Variants in SIM2 observed in about 807,000 individuals in gnomAD.
The protein encoded by SIM2 is single-minded homolog 2.
A neutral mutation model predicts 64.8 loss-of-function variants in SIM2; 28 were observed. The ratio of observed to expected loss-of-function variants is 0.43; its 90% CI spans 0.32 to 0.59. The LOEUF is 0.59. Ranked by LOEUF, SIM2 falls within the 20% of genes least tolerant of loss-of-function variation. The probability of loss-of-function intolerance (pLI) is 0.07; values close to 1 mark genes in which losing one functional copy is unlikely to be tolerated. For missense variants in SIM2, 847 were observed against 871.4 expected (o/e 0.97, Z 0.35); for synonymous variants, 408 against 391.1 (o/e 1.04, Z -0.51).
intron 4 of SIM2, among the ~76,000 whole-genome samples, chr21:36,722,559 G>A (rs1370501608): frequency 1.3e-5 from 2 of 152,196 alleles, no homozygotes; most frequent in African/African-American, 2.4e-5. Context: ...AGAGATTTGC[G>A]TGGGAGGCCT....
chr21:36,738,667 C>T (rs1054306534), intron 7 of SIM2, among the ~76,000 whole-genome samples: 1 of 152,216 alleles, frequency 6.6e-6, no homozygotes, highest in African/African-American at 2.4e-5. Flanking sequence ...CCCCGGTTTC[C>T]TGGTGCTGCC....
intron 4 of SIM2, 79 bp downstream of exon 4, chr21:36,720,008 C>T (rs901811520): frequency 2.0e-6 from 2 of 1,007,376 alleles, no homozygotes; most frequent in East Asian, 2.4e-5. Context: ...GCTTTGCTTC[C>T]CACATCTGCC....
intron 1 of SIM2, among the ~76,000 whole-genome samples, chr21:36,707,630 G>A (rs2088604022): frequency 6.6e-6 from 1 of 151,940 alleles, no homozygotes; most frequent in Non-Finnish European, 1.5e-5. Flanking sequence ...TTGCCGAATA[G>A]GGAAGGGTTT....
intron 1 of SIM2, among the ~76,000 whole-genome samples, chr21:36,701,730 A>G (rs1213809969): frequency 6.6e-6 from 1 of 152,230 alleles, no homozygotes; most frequent in Non-Finnish European, 1.5e-5. Flanking sequence ...TTGGCAGAGA[A>G]CTAGGGATGA....
Position 36,745,438 on chromosome 21 carries a change from G to A in SIM2, c.1576+302G>A, listed in dbSNP as rs1023486131. The A allele has an allele frequency of 4.7e-6, 6 of 1,265,784 alleles. No homozygotes were observed. The African/African-American group carries it at 7.6e-5, about 16-fold the overall frequency. The allele number at this position is 1,265,784 out of a possible 1,614,324, so 78.4% of individuals were successfully genotyped here. ...CATTCACCAACCAAAGGGGGACAGTGATTTTCAAAACCAGCTCCCATGTGC... is the reference window on the plus strand; with the variant it reads ...CATTCACCAACCAAAGGGGGACAGTAATTTTCAAAACCAGCTCCCATGTGC... On this transcript the variant is annotated intron_variant, in intron 10 of 10. Transcript: ENST00000290399. The surrounding 1 kb of genome is among the most constrained non-coding windows in gnomAD (Gnocchi z 4.8).
Position 36,729,367 on chromosome 21 carries a change from G to T in SIM2, c.744-1678G>T, listed in dbSNP as rs116370860. ...CCCGAATGGCTCTGGGCTCTACAAG[G>T]CCCCCTCCCCGCATCCCTCTCCCCC... On this transcript the variant is annotated intron_variant, in intron 6 of 10. Transcript: ENST00000290399. Among the ~76,000 whole-genome samples the T allele has an allele frequency of 5.3e-3, 805 of 151,998 alleles. 7 individuals carry two copies. Among genetic ancestry groups the T allele is most frequent in the African/African-American group, 0.019 (769 of 41,438 alleles).
At position 36,732,120 on chromosome 21, in the gene SIM2, T is replaced by C. The variant is rs142535463; in HGVS notation, c.850+969T>C. On this transcript the variant is annotated intron_variant, in intron 7 of 10. Transcript: ENST00000290399. ...CTGATCTCGAACTCCTGACCTCAGG[T>C]GATCCATTTGTCTCCGCCTCCCAAA... 3.8e-3 allele frequency among the ~76,000 whole-genome samples: 573 copies of C among 152,272 alleles called. 1 individual carries two copies. The highest frequency in any genetic ancestry group is 0.013 in the African/African-American group (542 of 41,564).
At position 36,739,973 on chromosome 21, in the gene SIM2, A is replaced by AG. The variant is rs1401610427; in HGVS notation, c.851-1744_851-1743insG. Among the ~76,000 whole-genome samples the AG allele has an allele frequency of 2.0e-5, 3 of 150,870 alleles. No homozygotes were observed. In the East Asian group the frequency reaches 5.8e-4, roughly 29 times the overall value. On this transcript the variant is annotated intron_variant, in intron 7 of 10. Coordinates refer to ENST00000290399, the MANE Select transcript of SIM2 (RefSeq NM_005069.6). Reference sequence around the variant, plus strand: ...ACACAGAGAGACTCTGTCTCAAAAAAAAAAAAAGAGAAAGAAGAGAAGAAA... The same window carrying AG: ...ACACAGAGAGACTCTGTCTCAAAAAAGAAAAAAAGAGAAAGAAGAGAAGAAA...
chr21:36,706,924 A>G (rs1038032661), intron 1 of SIM2, among the ~76,000 whole-genome samples: 3 of 152,244 alleles, frequency 2.0e-5, no homozygotes, highest in Non-Finnish European at 4.4e-5. Flanking sequence ...ATCATACAGA[A>G]AATTGTCCTG....
Position 36,699,595 on chromosome 21 carries a change from A to C in SIM2, c.-152A>C. On this transcript the variant is annotated 5_prime_UTR_variant, in exon 1 of 11. Transcript: ENST00000290399. This position sits in a 1 kb window ranked among gnomAD's most constrained non-coding sequence, Gnocchi z 5.6. ...GGCGGCTGCGGGGAGGCGTCTCGGA[A>C]CCCCGGGAGGCCCCCCGCACCTGCC... 1.4e-6 allele frequency: 1 copy of C among 722,254 alleles called. No homozygotes were observed. 44.7% of individuals were successfully genotyped at this position (722,254 alleles called of 1,614,324 possible).
At chr21:36,705,047 C>G (rs1457507097) in intron 1 of SIM2, among the ~76,000 whole-genome samples, 2 of 152,156 alleles carry the variant, frequency 1.3e-5, no homozygotes, top group Non-Finnish European at 2.9e-5. Context: ...AGCAACTAGG[C>G]GAGAACCTGG....
At chr21:36,700,189 C>A (rs1909106578) in intron 1 of SIM2, among the ~76,000 whole-genome samples, 1 of 152,246 alleles carries the variant, frequency 6.6e-6, no homozygotes, top group African/African-American at 2.4e-5. Flanking sequence ...GGCAGTCCCC[C>A]AGCCCGCACG....
At chr21:36,701,456 C>G (rs937005231) in intron 1 of SIM2, 2 of 152,318 alleles carry the variant, frequency 1.3e-5, no homozygotes, top group Non-Finnish European at 2.9e-5. Flanking sequence ...CCCCGCGGCT[C>G]CCCGGCCCAG....
chr21:36,709,105 C>A (rs1314687361), intron 1 of SIM2, 63 bp from the exon 2 acceptor site: 1 of 1,454,894 alleles, frequency 6.9e-7, no homozygotes, highest in Non-Finnish European at 9.4e-7. Context: ...GCGTGACCTG[C>A]CCGGCTCCCA....
chr21:36,738,085 C>T (rs1267107525), intron 7 of SIM2, among the ~76,000 whole-genome samples: 4 of 151,852 alleles, frequency 2.6e-5, no homozygotes, highest in Non-Finnish European at 5.9e-5. Flanking sequence ...TCTTGAAATC[C>T]GTGGATGGAT....
chr21:36,720,322 G>T, intron 4 of SIM2: 1 of 175,692 alleles, frequency 5.7e-6, no homozygotes, highest in Admixed American at 5.8e-5. Flanking sequence ...ACATTTCATG[G>T]GGAAAATTAC....
chr21:36,729,793 A>C (rs989519387), intron 6 of SIM2, among the ~76,000 whole-genome samples: 8 of 152,170 alleles, frequency 5.3e-5, no homozygotes, highest in African/African-American at 1.7e-4. Flanking sequence ...CATTGCCCAA[A>C]GCCTGGGAAA....
chr21:36,737,966 A>AAAAAAAAAAAAAAAAAAC (rs2089093214), intron 7 of SIM2, among the ~76,000 whole-genome samples: 1 of 120,988 alleles, frequency 8.3e-6, no homozygotes, highest in African/African-American at 2.6e-5. Flanking sequence ...TGTCTCAAAA[A>AAAAAAAAAAAAAAAAAAC]AAAAAAAAAA....
intron 7 of SIM2, among the ~76,000 whole-genome samples, chr21:36,738,875 C>T (rs948818469): frequency 2.0e-5 from 3 of 152,216 alleles, no homozygotes; most frequent in African/African-American, 7.2e-5. Flanking sequence ...AGATGTTAAG[C>T]CTGGGCAGAA....
Sources: gnomAD v4.1 joint callset for allele counts (sites outside exome capture counted in the v4.1 genomes callset) on GRCh38, gnomAD v4.1.1 for gene constraint, Gnocchi (gnomAD v3.1) non-coding constraint, MANE v1.5 for transcripts, NCBI Gene and HGNC (gene_info 2026-07-23, HGNC 2026-07-21) for gene names.